The following ZNF331 variants were observed in gnomAD, a reference collection of about 807,000 sequenced individuals.
The protein encoded by ZNF331 is zinc finger protein 331.
ZNF331 carries 2 observed loss-of-function variants against 7.0 expected under a neutral mutation model. The ratio of observed to expected loss-of-function variants is 0.29; its 90% CI spans 0.12 to 0.90. ZNF331 has a LOEUF of 0.90. ZNF331 is among the 40% of genes least tolerant of loss of function. ZNF331 has a pLI of 0.58. For missense variants in ZNF331, 432 were observed against 587.7 expected (o/e 0.74, Z 2.74); for synonymous variants, 196 against 205.4 (o/e 0.95, Z 0.39).
upstream of ZNF331, among the ~76,000 whole-genome samples, chr19:53,518,008 G>C (rs2086944610): frequency 6.6e-6 from 1 of 152,206 alleles, no homozygotes; most frequent in Non-Finnish European, 1.5e-5. Context: ...AGCTGGTAAA[G>C]GATTGTTTCT....
At chr19:53,527,505 T>A (rs533682287) in intron 2 of ZNF331, among the ~76,000 whole-genome samples, 1 of 152,248 alleles carries the variant, frequency 6.6e-6, no homozygotes, top group African/African-American at 2.4e-5. Context: ...TAGAAGTAGA[T>A]GAGGGGTGCC....
intron 2 of ZNF331, among the ~76,000 whole-genome samples, chr19:53,547,830 A>C (rs1021747013): frequency 6.6e-6 from 1 of 152,182 alleles, no homozygotes. Flanking sequence ...GTGTTCTATC[A>C]AGAAATGGCT....
intron 3 of ZNF331, among the ~76,000 whole-genome samples, chr19:53,561,334 CAAAAAAA>C (rs59551370): frequency 9.5e-6 from 1 of 104,886 alleles, no homozygotes; most frequent in Non-Finnish European, 1.9e-5. Flanking sequence ...GCCTGCTGGC[CAAAAAAA>C]AAAAAAAAAA....
At chr19:53,570,900 A>G (rs905056243) in intron 4 of ZNF331, among the ~76,000 whole-genome samples, 5 of 140,848 alleles carry the variant, frequency 3.5e-5, no homozygotes, top group Admixed American at 7.4e-5. Context: ...TCTGTCGCCC[A>G]GGCTGGAGTG....
At chr19:53,551,646 T>C (rs1171003759) in intron 2 of ZNF331, among the ~76,000 whole-genome samples, 2 of 152,066 alleles carry the variant, frequency 1.3e-5, no homozygotes, top group African/African-American at 2.4e-5. Context: ...ATCAAAAATA[T>C]CCTTGGGAAA....
the ZNF331 span, among the ~76,000 whole-genome samples, chr19:53,505,629 C>A: frequency 6.6e-6 from 1 of 152,142 alleles, no homozygotes; most frequent in African/African-American, 2.4e-5. Context: ...TGGCTGCAAA[C>A]AGGCAGAAAG....
intron 2 of ZNF331, among the ~76,000 whole-genome samples, chr19:53,529,265 T>C (rs1336282680): frequency 6.6e-6 from 1 of 151,886 alleles, no homozygotes; most frequent in East Asian, 1.9e-4. Context: ...CCGGGCGTGG[T>C]GGTAGGCGCA....
Position 53,577,153 on chromosome 19 carries a change from G to C in ZNF331, c.593G>C (p.Trp198Ser). 1 of 1,614,048 alleles carries C rather than the reference G, an allele frequency of 6.2e-7. No homozygotes were observed. ...AAAGACTGTGGGAAGGCTTTTCGAT[G>C]GGGCTCAAGCCTCGTTATTCATAAG... ...ECKDCGKAFRWGSSLVIHKRI... is the reference protein window; with the variant it reads ...ECKDCGKAFRSGSSLVIHKRI... The change falls in exon 6 of 6, where the codon TGG becomes TCG. Residue 198 changes from tryptophan (W) to serine (S), a missense_variant. This residue lies in a region of ZNF331 where 312 missense variants were observed against 448.6 expected (regional missense o/e 0.70). Transcript: ENST00000449416.
intron 3 of ZNF331, among the ~76,000 whole-genome samples, chr19:53,562,594 G>A (rs2089946660): frequency 6.6e-6 from 1 of 151,824 alleles, no homozygotes; most frequent in Non-Finnish European, 1.5e-5. Flanking sequence ...GGAGGCTGAG[G>A]TAGGAGAATC....
intron 3 of ZNF331, among the ~76,000 whole-genome samples, chr19:53,559,795 C>G (rs941069077): frequency 6.7e-6 from 1 of 150,120 alleles, no homozygotes; most frequent in Non-Finnish European, 1.5e-5. Context: ...TATACACACA[C>G]GTATATACAT....
At chr19:53,520,327 G>A (rs113847365), upstream of ZNF331, among the ~76,000 whole-genome samples, 6,312 of 152,244 alleles carry the variant, frequency 0.041, 458 homozygotes, top group African/African-American at 0.14. Context: ...GATTACAGGC[G>A]TGATTTCTGG....
chr19:53,544,418 A>G (rs572202337), intron 2 of ZNF331, among the ~76,000 whole-genome samples: 85 of 149,368 alleles, frequency 5.7e-4, no homozygotes, highest in African/African-American at 1.1e-3. Context: ...GGTAGTGGGC[A>G]CCTGTAGTCC....
the ZNF331 span, among the ~76,000 whole-genome samples, chr19:53,506,203 C>A: frequency 7.7e-6 from 1 of 130,040 alleles, no homozygotes; most frequent in African/African-American, 3.0e-5. Flanking sequence ...GGCGTGGTGG[C>A]GGGCGCCTGT....
the ZNF331 span, chr19:53,503,645 TG>T: frequency 1.4e-6 from 1 of 702,186 alleles, no homozygotes; most frequent in South Asian, 1.5e-5. Context: ...ATTTCTTTTT[TG>T]TGTCCACAGA....
In ZNF331 at chr19:53,571,742, G is replaced by A. The variant is rs377596487; in HGVS notation, c.136+12G>A. ...CTTGGTCTCACTGGGTGAGTTGCAC[G>A]CCTCAGATAACTTAGACTGCCTCCT... On this transcript the variant is annotated intron_variant, in intron 5 of 5. Coordinates refer to ENST00000449416, the MANE Select transcript of ZNF331 (RefSeq NM_001079906.2). The surrounding 1 kb of genome is among the most constrained non-coding windows in gnomAD (Gnocchi z 4.7). 54 of 1,598,240 alleles carry A rather than the reference G, an allele frequency of 3.4e-5. No individual in the cohort carries two copies. The highest frequency in any genetic ancestry group is 1.7e-4 in the Middle Eastern group (1 of 5,972).
At chr19:53,531,976 ATTT>A (rs980285952) in intron 2 of ZNF331, among the ~76,000 whole-genome samples, 2 of 151,920 alleles carry the variant, frequency 1.3e-5, no homozygotes, top group African/African-American at 4.8e-5. Context: ...GACATCCTTT[ATTT>A]TTTATTTTTA....
At chr19:53,565,181 G>A (rs1444793946) in intron 3 of ZNF331, among the ~76,000 whole-genome samples, 1 of 152,204 alleles carries the variant, frequency 6.6e-6, no homozygotes, top group Non-Finnish European at 1.5e-5. Flanking sequence ...GCTCAAGGCA[G>A]CCTGTGGTCA....
chr19:53,529,977 G>C (rs1461871556), intron 2 of ZNF331, among the ~76,000 whole-genome samples: 1 of 152,046 alleles, frequency 6.6e-6, no homozygotes, highest in African/African-American at 2.4e-5. Context: ...CCTGAGACTG[G>C]GTCATTTATA....
intron 3 of ZNF331, among the ~76,000 whole-genome samples, chr19:53,567,144 T>A (rs981895601): frequency 6.6e-6 from 1 of 152,186 alleles, no homozygotes; most frequent in Non-Finnish European, 1.5e-5. Context: ...TCATTTACTA[T>A]TTTACTTTGA....
Sources: gnomAD v4.1 joint callset for allele counts (sites outside exome capture counted in the v4.1 genomes callset) on GRCh38, gnomAD v4.1.1 for gene constraint, gnomAD v4.1.1 regional missense constraint, Gnocchi (gnomAD v3.1) non-coding constraint, MANE v1.5 for transcripts, NCBI Gene and HGNC (gene_info 2026-07-23, HGNC 2026-07-21) for gene names.